The following WDR4 variants were observed in gnomAD, a reference collection of about 807,000 sequenced individuals.
The protein encoded by WDR4 is tRNA (guanine-N(7)-)-methyltransferase non-catalytic subunit WDR4.
Under a neutral mutation model 48.6 loss-of-function variants are expected in WDR4, and 47 were observed. The ratio of observed to expected loss-of-function variants is 0.97; its 90% CI spans 0.77 to 1.23. WDR4 has a LOEUF of 1.23. WDR4 is among the 50% of genes most tolerant of loss of function. The pLI is 0.00. For synonymous variants in WDR4, 268 were observed against 230.0 expected (o/e 1.17, Z -1.49); for missense variants, 606 against 551.6 (o/e 1.10, Z -0.99).
In WDR4 at chr21:42,855,695, G is replaced by T; in HGVS notation, c.713C>A (p.Pro238His). Residue 238 changes from proline to histidine, a missense_variant, in exon 7 of 11, where the codon CCC becomes CAC. Physicochemically the swap from Pro to His is moderately conservative, Grantham distance 77. Transcript: ENST00000398208. ...AGAAGCAGCTACCTGGGGGGCCTGGGGGTCCACCAGCTCCTGCAGACTGGC... is the reference window on the plus strand; with the variant it reads ...AGAAGCAGCTACCTGGGGGGCCTGGTGGTCCACCAGCTCCTGCAGACTGGC... The part of the protein sequence containing the change: ...HLASLQELVD[P>H]QAPQKFAASR... 6.4e-7 allele frequency: 1 copy of T among 1,553,090 alleles called. No individual in the cohort carries two copies. The highest frequency in any genetic ancestry group is 2.4e-5 in the East Asian group (1 of 41,190).
chr21:42,860,474 A>T (rs537187376), intron 5 of WDR4, among the ~76,000 whole-genome samples: 9 of 152,378 alleles, frequency 5.9e-5, no homozygotes, highest in Admixed American at 2.6e-4. Context: ...AGTGGCCTCA[A>T]GCAATCCCTC....
chr21:42,861,357 A>AAGGG (rs1010920710), intron 5 of WDR4, among the ~76,000 whole-genome samples: 4 of 139,412 alleles, frequency 2.9e-5, no homozygotes, highest in African/African-American at 1.0e-4. Flanking sequence ...GGGGGGAAGG[A>AAGGG]AGGGAGGGAG....
At chr21:42,891,517 A>C in the WDR4 span, among the ~76,000 whole-genome samples, 1 of 152,076 alleles carries the variant, frequency 6.6e-6, no homozygotes, top group African/African-American at 2.4e-5. Context: ...GGGGAGCTCC[A>C]GGTCCATGAA....
chr21:42,844,403 G>T (rs2057693173), downstream of WDR4, among the ~76,000 whole-genome samples: 1 of 152,196 alleles, frequency 6.6e-6, no homozygotes, highest in African/African-American at 2.4e-5. Flanking sequence ...TCATGTATCA[G>T]TCAAGAGATA....
chr21:42,848,140 A>G (rs1328161237), downstream of WDR4, among the ~76,000 whole-genome samples: 1 of 152,216 alleles, frequency 6.6e-6, no homozygotes. Context: ...AAGGATTCTG[A>G]GTACCCAGCG....
chr21:42,878,306 T>A (rs1293674244), intron 1 of WDR4, among the ~76,000 whole-genome samples: 1 of 152,170 alleles, frequency 6.6e-6, no homozygotes, highest in Non-Finnish European at 1.5e-5. Flanking sequence ...ACCAAAAAAC[T>A]TTCCATATGG....
intron 6 of WDR4, among the ~76,000 whole-genome samples, chr21:42,856,203 G>C (rs111922503): frequency 0.038 from 5,714 of 152,228 alleles, 346 homozygotes; most frequent in African/African-American, 0.13. Context: ...ACACGTGTGG[G>C]CTCATGAGCT....
At chr21:42,884,250 G>C (rs1201239848), upstream of WDR4, among the ~76,000 whole-genome samples, 1 of 152,168 alleles carries the variant, frequency 6.6e-6, no homozygotes, top group East Asian at 1.9e-4. Context: ...CATTCCACTG[G>C]GAATGGAATT....
At chr21:42,879,640 A>G, upstream of WDR4, 1 of 1,046,792 alleles carries the variant, frequency 9.6e-7, no homozygotes. Context: ...TGCCTTGAGC[A>G]TGCGTGAAAG....
At chr21:42,857,646 G>A (rs1434999008) in intron 6 of WDR4, among the ~76,000 whole-genome samples, 1 of 152,172 alleles carries the variant, frequency 6.6e-6, no homozygotes, top group African/African-American at 2.4e-5. Context: ...CTGCAAAAAA[G>A]AACGTGCCGA....
At position 42,873,701 on chromosome 21, in the gene WDR4, A is replaced by T. The variant is rs1225099717; in HGVS notation, c.156-10T>A. 6.2e-7 allele frequency: 1 copy of T among 1,611,998 alleles called. No individual in the cohort carries two copies. The highest frequency in any genetic ancestry group is 1.7e-5 in the Admixed American group (1 of 59,776). On this transcript the variant is annotated splice_polypyrimidine_tract_variant and intron_variant, in intron 2 of 10. Transcript: ENST00000398208. ...CAAGGGCGCGTCCTCCCTGAGGAAG[A>T]GAGGAGGAAGACGGTTAAGCTTCAC... is the stretch of plus-strand genomic sequence containing the variant.
the WDR4 span, among the ~76,000 whole-genome samples, chr21:42,889,687 A>C: frequency 1.3e-5 from 2 of 152,172 alleles, no homozygotes; most frequent in Non-Finnish European, 2.9e-5. Context: ...ATTTGAAATT[A>C]TGCCTGTAAC....
intron 5 of WDR4, 92 bp from the exon 6 acceptor site, chr21:42,859,814 A>T: frequency 7.7e-7 from 1 of 1,295,126 alleles, no homozygotes; most frequent in Non-Finnish European, 1.1e-6. Context: ...TCTAAGGAAG[A>T]GAAGCCTCTG....
intron 2 of WDR4, among the ~76,000 whole-genome samples, chr21:42,874,354 T>A (rs1221598895): frequency 6.6e-6 from 1 of 152,168 alleles, no homozygotes; most frequent in Non-Finnish European, 1.5e-5. Flanking sequence ...CTCGGGACCC[T>A]GTGATAATTG....
the WDR4 span, among the ~76,000 whole-genome samples, chr21:42,884,647 A>G: frequency 1.4e-5 from 2 of 145,646 alleles, no homozygotes; most frequent in Non-Finnish European, 3.0e-5. Context: ...ACTCCACCTC[A>G]AAAAAAAAAA....
At chr21:42,864,579 T>TC (rs1019531849) in intron 3 of WDR4, among the ~76,000 whole-genome samples, 1 of 151,464 alleles carries the variant, frequency 6.6e-6, no homozygotes, top group African/African-American at 2.4e-5. Flanking sequence ...AGGCCTGCGC[T>TC]CCCCCCAGTC....
At chr21:42,865,344 T>C (rs2146061574) in intron 3 of WDR4, among the ~76,000 whole-genome samples, 1 of 152,288 alleles carries the variant, frequency 6.6e-6, no homozygotes, top group African/African-American at 2.4e-5. Context: ...GATGGGCTCA[T>C]TAAGCAGCTG....
rs1424480423 is a variant in WDR4, at chr21:42,849,963, T to C, written c.*86A>G. 2 of 1,549,168 alleles carry C rather than the reference T, an allele frequency of 1.3e-6. No homozygotes were observed. Among genetic ancestry groups the C allele is most frequent in the Non-Finnish European group, 1.8e-6 (2 of 1,137,684 alleles). Reference sequence around the variant, plus strand: ...GGTCACAACTGATGTCACCTTTTCCTTCTTGAAGGGACATGCCAGGATGCA... The same window carrying C: ...GGTCACAACTGATGTCACCTTTTCCCTCTTGAAGGGACATGCCAGGATGCA... On this transcript the variant is annotated 3_prime_UTR_variant, in exon 11 of 11. Transcript: ENST00000398208.
At chr21:42,855,868 G>A in intron 6 of WDR4, 88 bp from the exon 7 acceptor site, 1 of 1,079,280 alleles carries the variant, frequency 9.3e-7, no homozygotes, top group Non-Finnish European at 1.3e-6. Context: ...TGTGGTCGGG[G>A]TTCCACTCCG....
Sources: allele counts gnomAD v4.1 joint callset (sites outside exome capture counted in the v4.1 genomes callset), GRCh38; gene constraint gnomAD v4.1.1; transcripts MANE v1.5; gene names NCBI Gene and HGNC (gene_info 2026-07-23, HGNC 2026-07-21).